The following CSMD3 variants were observed in gnomAD, a reference collection of about 807,000 sequenced individuals.
CSMD3 encodes CUB and Sushi multiple domains 3, also known as CUB and sushi domain-containing protein 3.
In CSMD3, 177 loss-of-function variants were observed where a neutral mutation model predicts 435.2. The ratio of observed to expected loss-of-function variants is 0.41; its 90% CI spans 0.36 to 0.46. The LOEUF (loss-of-function observed/expected upper bound fraction) is 0.46. Ranked by LOEUF, CSMD3 falls within the 20% of genes least tolerant of loss-of-function variation. CSMD3 has a pLI of 0.34. For missense variants in CSMD3, 4,265 were observed against 4,504.6 expected (o/e 0.95, Z 1.52); for synonymous variants, 1,656 against 1,520.5 (o/e 1.09, Z -2.07).
chr8:112,345,751 A>G (rs1418459412), intron 41 of CSMD3, among the ~76,000 whole-genome samples: 9 of 152,186 alleles, frequency 5.9e-5, no homozygotes, highest in Admixed American at 2.6e-4. Flanking sequence ...GAGATAATAT[A>G]TTAATTAACT....
At chr8:113,191,313 C>T (rs556455240) in intron 3 of CSMD3, among the ~76,000 whole-genome samples, 34 of 151,694 alleles carry the variant, frequency 2.2e-4, no homozygotes, top group Non-Finnish European at 4.6e-4. Context: ...TGTGATACTG[C>T]TGTTTGAGGT....
intron 14 of CSMD3, among the ~76,000 whole-genome samples, chr8:112,688,342 A>G (rs1048760360): frequency 1.3e-5 from 2 of 152,112 alleles, no homozygotes; most frequent in African/African-American, 4.8e-5. Flanking sequence ...ACAATTTGTT[A>G]GTACCACACT....
intron 31 of CSMD3, among the ~76,000 whole-genome samples, chr8:112,483,216 C>T (rs970903894): frequency 2.6e-5 from 4 of 152,086 alleles, no homozygotes; most frequent in Non-Finnish European, 1.5e-5. Flanking sequence ...TTAGGCTGGG[C>T]GCGGTGGCTC....
At chr8:113,176,278 G>A (rs2092345230) in intron 3 of CSMD3, among the ~76,000 whole-genome samples, 1 of 152,066 alleles carries the variant, frequency 6.6e-6, no homozygotes, top group Non-Finnish European at 1.5e-5. Context: ...TCTGTTAACT[G>A]AGTAATTCAT....
intron 13 of CSMD3, among the ~76,000 whole-genome samples, chr8:112,757,256 G>T (rs1175582518): frequency 6.6e-6 from 1 of 151,818 alleles, no homozygotes; most frequent in East Asian, 1.9e-4. Context: ...GATTGTTTTT[G>T]CTTATATTTT....
intron 1 of CSMD3, chr8:113,376,700 A>G: frequency 6.2e-7 from 1 of 1,613,334 alleles, no homozygotes; most frequent in Non-Finnish European, 8.5e-7. Context: ...AAGGACCGAA[A>G]GGTTCGGCGC....
At chr8:112,843,391 C>T (rs1364409277) in intron 11 of CSMD3, among the ~76,000 whole-genome samples, 1 of 151,870 alleles carries the variant, frequency 6.6e-6, no homozygotes, top group Non-Finnish European at 1.5e-5. Flanking sequence ...TTCCTTGTTA[C>T]TCCTCATTGC....
chr8:112,761,957 A>G (rs1230278738), intron 13 of CSMD3, among the ~76,000 whole-genome samples: 2 of 152,050 alleles, frequency 1.3e-5, no homozygotes, highest in Non-Finnish European at 2.9e-5. Context: ...TACGTGGACA[A>G]TAGTATATTT....
chr8:112,920,757 T>C (rs2082709171), intron 10 of CSMD3, among the ~76,000 whole-genome samples: 1 of 151,898 alleles, frequency 6.6e-6, no homozygotes, highest in African/African-American at 2.4e-5. Context: ...ACTCCCATGT[T>C]AAAAATAAAA....
At chr8:113,146,765 A>G (rs983673402) in intron 4 of CSMD3, among the ~76,000 whole-genome samples, 1 of 151,582 alleles carries the variant, frequency 6.6e-6, no homozygotes, top group African/African-American at 2.4e-5. Flanking sequence ...ACGAAAACAT[A>G]TAGTGGTTTT....
At chr8:113,348,660 G>A (rs973637271) in intron 1 of CSMD3, among the ~76,000 whole-genome samples, 14 of 152,090 alleles carry the variant, frequency 9.2e-5, no homozygotes, top group Non-Finnish European at 1.9e-4. Context: ...AGTTAAAAAT[G>A]TTTTTAGTCC....
At chr8:112,748,999 T>G (rs1157651287) in intron 13 of CSMD3, among the ~76,000 whole-genome samples, 1 of 152,154 alleles carries the variant, frequency 6.6e-6, no homozygotes, top group Non-Finnish European at 1.5e-5. Context: ...CTCACCATCA[T>G]CTTTTACTTT....
intron 1 of CSMD3, among the ~76,000 whole-genome samples, chr8:113,343,355 T>C (rs1447217534): frequency 6.6e-6 from 1 of 152,156 alleles, no homozygotes; most frequent in Non-Finnish European, 1.5e-5. Flanking sequence ...AGATGGACTT[T>C]ATATCAGATT....
intron 13 of CSMD3, among the ~76,000 whole-genome samples, chr8:112,755,048 C>G (rs539448616): frequency 6.6e-6 from 1 of 151,938 alleles, no homozygotes; most frequent in African/African-American, 2.4e-5. Context: ...ATAATGAGGG[C>G]GGGCCAGGCG....
chr8:113,212,189 G>A (rs1174546487), intron 3 of CSMD3, among the ~76,000 whole-genome samples: 1 of 152,070 alleles, frequency 6.6e-6, no homozygotes, highest in African/African-American at 2.4e-5. Context: ...AATAAGAAAA[G>A]CACATTATAG....
At chr8:112,506,652 A>G in intron 29 of CSMD3, 39 bp downstream of exon 29, 1 of 1,603,302 alleles carries the variant, frequency 6.2e-7, no homozygotes, top group Non-Finnish European at 8.5e-7. Flanking sequence ...GCCTAACAAT[A>G]TATTTTTTTA....
rs575479969 is a variant in CSMD3, at chr8:112,313,776, T to A, written c.7696+130A>T. On this transcript the variant is annotated intron_variant, in intron 49 of 70. Transcript: ENST00000297405. The stretch of plus-strand genomic sequence containing the variant: ...TAGGAAATAGAGAGGTTACATAAAT[T>A]GTCCAGGAACCATCAATGGAGGAGC... 2.2e-4 allele frequency: 150 copies of A among 687,384 alleles called. 1 individual carries two copies. The South Asian group carries it at 2.4e-3, about 11-fold the overall frequency. The allele number at this position is 687,384 out of a possible 1,614,324, so 42.6% of individuals were successfully genotyped here.
intron 22 of CSMD3, among the ~76,000 whole-genome samples, chr8:112,628,131 G>A (rs577768496): frequency 7.4e-4 from 112 of 152,056 alleles, no homozygotes; most frequent in African/African-American, 2.3e-3. Flanking sequence ...TTGGTCCCTC[G>A]CAATCTTGTG....
In CSMD3 at chr8:113,143,057, A is replaced by G. The variant is rs1005372218; in HGVS notation, c.709+30665T>C. Among the ~76,000 whole-genome samples the G allele has an allele frequency of 2.6e-5, 4 of 151,184 alleles. No individual in the cohort carries two copies. The Admixed American group carries it at 2.7e-4, about 10-fold the overall frequency. On this transcript the variant is annotated intron_variant, in intron 4 of 70. Transcript: ENST00000297405. Reference sequence around the variant, plus strand: ...GTTACAGCCTGGGGAATATTTGCATACTATATATCCAACAAAGATTAATAT... The same window carrying G: ...GTTACAGCCTGGGGAATATTTGCATGCTATATATCCAACAAAGATTAATAT...
Sources: allele counts gnomAD v4.1 joint callset (sites outside exome capture counted in the v4.1 genomes callset), GRCh38; gene constraint gnomAD v4.1.1; transcripts MANE v1.5; gene names NCBI Gene and HGNC (gene_info 2026-07-23, HGNC 2026-07-21).